Variants in KIF13A observed in about 807,000 individuals in gnomAD.
The protein encoded by KIF13A is kinesin-like protein KIF13A.
In KIF13A, 79 loss-of-function variants were observed where a neutral mutation model predicts 212.2. The observed-to-expected ratio is 0.37, with a 90% CI of 0.31 to 0.45. The LOEUF (loss-of-function observed/expected upper bound fraction) is 0.45. KIF13A is among the 20% of genes least tolerant of loss of function. The pLI is 1.00. For synonymous variants in KIF13A, 789 were observed against 808.6 expected (o/e 0.98, Z 0.41); for missense variants, 1,901 against 2,209.0 (o/e 0.86, Z 2.79).
At chr6:17,801,493 C>T (rs1279152130) in intron 20 of KIF13A, among the ~76,000 whole-genome samples, 1 of 152,132 alleles carries the variant, frequency 6.6e-6, no homozygotes, top group East Asian at 1.9e-4. Context: ...CAGAGTGAGA[C>T]TCGGTCTCAA....
intron 2 of KIF13A, among the ~76,000 whole-genome samples, chr6:17,909,799 C>A (rs1773871716): frequency 1.3e-5 from 2 of 151,958 alleles, no homozygotes; most frequent in Non-Finnish European, 2.9e-5. Context: ...GAGGCTGAGG[C>A]AGGAGAACCT....
intron 2 of KIF13A, among the ~76,000 whole-genome samples, chr6:17,903,829 AGC>A (rs1226847504): frequency 6.6e-6 from 1 of 151,980 alleles, no homozygotes; most frequent in Non-Finnish European, 1.5e-5. Context: ...AAATGGGGGG[AGC>A]GGGGGAACAC....
intron 12 of KIF13A, among the ~76,000 whole-genome samples, chr6:17,833,051 G>A (rs12525308): frequency 0.44 from 62,132 of 140,186 alleles, 14,454 homozygotes; most frequent in South Asian, 0.54. Context: ...AAATCACAAG[G>A]CAGACTTTCG....
intron 12 of KIF13A, 59 bp downstream of exon 12, chr6:17,833,902 C>G: frequency 1.3e-6 from 1 of 761,456 alleles, no homozygotes; most frequent in Admixed American, 3.5e-5. Context: ...GCAAACTACA[C>G]AGAAAAGACA....
Position 17,785,160 on chromosome 6 carries a change from C to CA in KIF13A, c.3488+354dup, listed in dbSNP as rs1322858274. On this transcript the variant is annotated intron_variant, in intron 28 of 38. Coordinates refer to ENST00000259711, the MANE Select transcript of KIF13A (RefSeq NM_022113.6). This position sits in a 1 kb window ranked among gnomAD's most constrained non-coding sequence, Gnocchi z 5.8. ...TTATCTCTAATTCTCACAATACTAC[C>CA]AAAAAAATAGCTCCACTAATATATT... Among the ~76,000 whole-genome samples, 2 of 151,908 alleles carry CA rather than the reference C, an allele frequency of 1.3e-5. No homozygotes were observed. The highest frequency in any genetic ancestry group is 2.1e-4 in the South Asian group (1 of 4,818).
Position 17,939,350 on chromosome 6 carries a change from A to G in KIF13A, c.147-41170T>C, listed in dbSNP as rs913970313. Among the ~76,000 whole-genome samples, 22 of 152,350 alleles carry G rather than the reference A, an allele frequency of 1.4e-4. No individual in the cohort carries two copies. The East Asian group carries it at 4.1e-3, about 28-fold the overall frequency. On this transcript the variant is annotated intron_variant, in intron 2 of 38. Transcript: ENST00000259711. Reference sequence around the variant, plus strand: ...CTTCATTGTAACACAACAGATAATTATAAGTTATACTGTTTTTATTGATAA... The same window carrying G: ...CTTCATTGTAACACAACAGATAATTGTAAGTTATACTGTTTTTATTGATAA...
In KIF13A at chr6:17,986,791, C is replaced by T. The variant is rs563134883; in HGVS notation, c.146+263G>A. 4.6e-5 allele frequency among the ~76,000 whole-genome samples: 7 copies of T among 152,370 alleles called. No individual in the cohort carries two copies. The South Asian group carries it at 1.2e-3, about 27-fold the overall frequency. On this transcript the variant is annotated intron_variant, in intron 2 of 38. Transcript: ENST00000259711. ...TATGGGGTCCCATCCGGCCCTCTCC[C>T]TCCCGGGTGCCTCGCAGCCCGCCCG...
Position 17,809,514 on chromosome 6 carries a change from A to T in KIF13A, c.2001-584T>A, listed in dbSNP as rs565999645. ...GCCCCATGCCTTTAGCCTCCATAGC[A>T]TTTGCCATAGTTAGAACTTTTCATT... On this transcript the variant is annotated intron_variant, in intron 17 of 38. Coordinates refer to ENST00000259711, the MANE Select transcript of KIF13A (RefSeq NM_022113.6). This position sits in a 1 kb window ranked among gnomAD's most constrained non-coding sequence, Gnocchi z 4.7. Among the ~76,000 whole-genome samples, 17 of 152,244 alleles carry T rather than the reference A, an allele frequency of 1.1e-4. No individual in the cohort carries two copies. The highest frequency in any genetic ancestry group is 8.8e-5 in the Non-Finnish European group (6 of 68,024).
rs1781622174 is a variant in KIF13A at position 17,987,003 on chromosome 6, G to A, written c.146+51C>T. On this transcript the variant is annotated intron_variant, in intron 2 of 38. Coordinates refer to ENST00000259711, the MANE Select transcript of KIF13A (RefSeq NM_022113.6). This position sits in a 1 kb window ranked among gnomAD's most constrained non-coding sequence, Gnocchi z 7.7. ...CCCATTTTCCTGGCTCAAACTTGCG[G>A]GACCCCGCGAGGCTGGATCCTCCCA... The A allele has an allele frequency of 7.1e-7, 1 of 1,402,442 alleles. No individual in the cohort carries two copies. The highest frequency in any genetic ancestry group is 1.4e-5 in the African/African-American group (1 of 70,676). 86.9% of individuals were successfully genotyped at this position (1,402,442 alleles called of 1,614,324 possible).
At position 17,789,949 on chromosome 6, in the gene KIF13A, T is replaced by G. The variant is rs369407178; in HGVS notation, c.3223-39A>C. On this transcript the variant is annotated intron_variant, in intron 25 of 38. Transcript: ENST00000259711. The surrounding 1 kb of genome is among the most constrained non-coding windows in gnomAD (Gnocchi z 4.8). The stretch of plus-strand genomic sequence containing the variant: ...ATAAACACAAAGGACAAGCATTTTG[T>G]TTTTCAAACCACATACAGGGAAAAT... 7.0e-6 allele frequency: 11 copies of G among 1,567,294 alleles called. 1 individual carries two copies. The highest frequency in any genetic ancestry group is 1.7e-4 in the Middle Eastern group (1 of 5,980).
chr6:17,835,662 A>T (rs1288407829), intron 11 of KIF13A, among the ~76,000 whole-genome samples: 1 of 152,216 alleles, frequency 6.6e-6, no homozygotes, highest in Non-Finnish European at 1.5e-5. Flanking sequence ...TAAGAGCCAC[A>T]GCCTGGAAGA....
At chr6:17,815,820 G>A (rs1390041943) in intron 17 of KIF13A, among the ~76,000 whole-genome samples, 1 of 151,786 alleles carries the variant, frequency 6.6e-6, no homozygotes, top group East Asian at 1.9e-4. Flanking sequence ...CACCTGGGTG[G>A]CTTGCCACCC....
chr6:17,808,738 C>G, intron 18 of KIF13A, 30 bp downstream of exon 18: 3 of 1,597,692 alleles, frequency 1.9e-6, no homozygotes, highest in Non-Finnish European at 2.6e-6. Context: ...TATTGTGCAT[C>G]TTGCCCTCTC....
chr6:17,973,021 G>C (rs776980330), intron 2 of KIF13A, among the ~76,000 whole-genome samples: 2 of 152,124 alleles, frequency 1.3e-5, no homozygotes, highest in African/African-American at 4.8e-5. Flanking sequence ...ATAAACCAGA[G>C]ACACAGACAC....
chr6:17,962,290 GA>G (rs2150589324), intron 2 of KIF13A, among the ~76,000 whole-genome samples: 1 of 151,860 alleles, frequency 6.6e-6, no homozygotes, highest in Non-Finnish European at 1.5e-5. Context: ...CAGTCTAGAT[GA>G]CAGAGAAAGA....
intron 2 of KIF13A, among the ~76,000 whole-genome samples, chr6:17,965,897 C>T (rs1420487290): frequency 2.0e-5 from 3 of 152,086 alleles, no homozygotes; most frequent in Non-Finnish European, 2.9e-5. Context: ...AAAATGGGGC[C>T]GGGCGTGGTG....
rs1763409623 is a variant in KIF13A at position 17,811,385 on chromosome 6, T to G, written c.2001-2455A>C. On this transcript the variant is annotated intron_variant, in intron 17 of 38. Coordinates refer to ENST00000259711, the MANE Select transcript of KIF13A (RefSeq NM_022113.6). This position sits in a 1 kb window ranked among gnomAD's most constrained non-coding sequence, Gnocchi z 6.0. ...ATTCCCTGTCCCTTGCAACTCATTTTCCAGGGTAGGAAATAGAAAACAAAC... is the reference window on the plus strand; with the variant it reads ...ATTCCCTGTCCCTTGCAACTCATTTGCCAGGGTAGGAAATAGAAAACAAAC... 6.6e-6 allele frequency among the ~76,000 whole-genome samples: 1 copy of G among 152,244 alleles called. No individual in the cohort carries two copies. The highest frequency in any genetic ancestry group is 2.4e-5 in the African/African-American group (1 of 41,468).
intron 2 of KIF13A, among the ~76,000 whole-genome samples, chr6:17,970,975 A>C (rs1202020324): frequency 6.6e-6 from 1 of 152,248 alleles, no homozygotes; most frequent in Non-Finnish European, 1.5e-5. Flanking sequence ...CAACACTTTT[A>C]CAAATTTCAA....
chr6:17,969,593 C>T (rs1779625451), intron 2 of KIF13A, among the ~76,000 whole-genome samples: 1 of 152,004 alleles, frequency 6.6e-6, no homozygotes, highest in Admixed American at 6.6e-5. Flanking sequence ...CTTTATTATC[C>T]CCATACTTAT....
Sources: gnomAD v4.1 joint callset for allele counts (sites outside exome capture counted in the v4.1 genomes callset) on GRCh38, gnomAD v4.1.1 for gene constraint, Gnocchi (gnomAD v3.1) non-coding constraint, MANE v1.5 for transcripts, NCBI Gene and HGNC (gene_info 2026-07-23, HGNC 2026-07-21) for gene names.